The following PI15 variants were observed in gnomAD, a reference collection of about 807,000 sequenced individuals.
The protein encoded by PI15 is peptidase inhibitor 15.
PI15 carries 18 observed loss-of-function variants against 31.0 expected under a neutral mutation model. The observed-to-expected ratio is 0.58, with a 90% confidence interval of 0.40 to 0.86. The LOEUF is 0.86. Ranked by LOEUF, PI15 falls within the 40% of genes least tolerant of loss-of-function variation. The pLI is 0.00. For synonymous variants in PI15, 118 were observed against 119.1 expected (o/e 0.99, Z 0.06); for missense variants, 282 against 328.1 (o/e 0.86, Z 1.09).
chr8:74,824,996 G>A (rs1810670774), intron 1 of PI15: 1 of 492,652 alleles, frequency 2.0e-6, no homozygotes, highest in East Asian at 3.2e-5. Context: ...ATTTTTCTCT[G>A]CTATACAAAG....
chr8:74,837,976 TGAA>T (rs1810893930), intron 2 of PI15, among the ~76,000 whole-genome samples: 1 of 152,156 alleles, frequency 6.6e-6, no homozygotes, highest in African/African-American at 2.4e-5. Flanking sequence ...TTTAACTTTA[TGAA>T]TTTTTGTTCT....
At chr8:74,837,195 A>G (rs747913445) in intron 2 of PI15, among the ~76,000 whole-genome samples, 12 of 152,152 alleles carry the variant, frequency 7.9e-5, no homozygotes, top group Non-Finnish European at 1.2e-4. Flanking sequence ...TATACATAAT[A>G]TAGTGTCATA....
intron 2 of PI15, among the ~76,000 whole-genome samples, chr8:74,843,414 T>C (rs971961864): frequency 1.3e-5 from 2 of 152,222 alleles, no homozygotes; most frequent in African/African-American, 4.8e-5. Flanking sequence ...GTTATAGCAG[T>C]CTCAGGAACC....
chr8:74,825,664 T>A, intron 2 of PI15, 142 bp downstream of exon 2: 1 of 665,396 alleles, frequency 1.5e-6, no homozygotes, highest in South Asian at 2.0e-5. Flanking sequence ...GGTTCTTATG[T>A]GCCTAATAAT....
At chr8:74,847,518 C>T (rs1811043178) in intron 5 of PI15, among the ~76,000 whole-genome samples, 1 of 151,774 alleles carries the variant, frequency 6.6e-6, no homozygotes, top group Non-Finnish European at 1.5e-5. Flanking sequence ...GAGCGAGCCA[C>T]ACTCATAAGA....
At chr8:74,832,356 T>G (rs1810794968) in intron 2 of PI15, among the ~76,000 whole-genome samples, 1 of 152,000 alleles carries the variant, frequency 6.6e-6, no homozygotes, top group Non-Finnish European at 1.5e-5. Context: ...GTAGCTAGTG[T>G]GGGGGAAGGA....
At chr8:74,830,797 G>A (rs1810771097) in intron 2 of PI15, among the ~76,000 whole-genome samples, 1 of 152,060 alleles carries the variant, frequency 6.6e-6, no homozygotes, top group African/African-American at 2.4e-5. Flanking sequence ...ATAAACATGA[G>A]AATTTTAATG....
At chr8:74,847,575 A>G (rs1811044020) in intron 5 of PI15, among the ~76,000 whole-genome samples, 1 of 152,222 alleles carries the variant, frequency 6.6e-6, no homozygotes, top group Non-Finnish European at 1.5e-5. Context: ...TGATGGTATC[A>G]AAATTATGCA....
rs1811119900 is a variant in PI15, at chr8:74,852,345, T to A, written c.*3092T>A. 6.6e-6 allele frequency: 1 copy of A among 152,140 alleles called. No homozygotes were observed. The highest frequency in any genetic ancestry group is 1.5e-5 in the Non-Finnish European group (1 of 67,972). 9.4% of individuals were successfully genotyped at this position (152,140 alleles called of 1,614,324 possible). A position where few individuals can be genotyped will look rare whatever the true frequency, so the allele number is the denominator to read the frequency against. ...ATAATTTTAGAATTAAACTGATGGATTTCATTATAGAATTATCTGTGAGTT... is the reference window on the plus strand; with the variant it reads ...ATAATTTTAGAATTAAACTGATGGAATTCATTATAGAATTATCTGTGAGTT... On this transcript the variant is annotated 3_prime_UTR_variant, in exon 6 of 6. Transcript: ENST00000260113.
intron 5 of PI15, among the ~76,000 whole-genome samples, chr8:74,848,730 TATAG>T (rs1359568256): frequency 9.6e-4 from 135 of 140,402 alleles, no homozygotes; most frequent in African/African-American, 2.5e-3. Flanking sequence ...TATATATATA[TATAG>T]AGAGAGAGAG....
intron 2 of PI15, among the ~76,000 whole-genome samples, chr8:74,829,206 A>G (rs1810743722): frequency 6.6e-6 from 1 of 152,104 alleles, no homozygotes; most frequent in Non-Finnish European, 1.5e-5. Flanking sequence ...TAATTTTGAT[A>G]TTATAAATGT....
chr8:74,834,790 C>G (rs960094656), intron 2 of PI15, among the ~76,000 whole-genome samples: 5 of 152,200 alleles, frequency 3.3e-5, no homozygotes, highest in African/African-American at 1.2e-4. Context: ...CATGAGATGC[C>G]TAGAATTTAT....
At position 74,853,627 on chromosome 8, in the gene PI15, A is replaced by G. The variant is rs1022754483; in HGVS notation, c.*4374A>G. 6 of 152,648 alleles carry G rather than the reference A, an allele frequency of 3.9e-5. No individual in the cohort carries two copies. The highest frequency in any genetic ancestry group is 2.0e-4 in the Admixed American group (3 of 15,270). 9.5% of individuals were successfully genotyped at this position (152,648 alleles called of 1,614,324 possible). On this transcript the variant is annotated 3_prime_UTR_variant, in exon 6 of 6. Coordinates refer to ENST00000260113, the MANE Select transcript of PI15 (RefSeq NM_015886.5). ...TTATGAAGACAAATTCTTAATGGCT[A>G]CTTGACCTACAGCAAAAGCCATTTC... is the stretch of plus-strand genomic sequence containing the variant.
chr8:74,845,051 T>A, intron 3 of PI15, 77 bp from the exon 4 acceptor site: 1 of 1,227,794 alleles, frequency 8.1e-7, no homozygotes, highest in African/African-American at 1.5e-5. Flanking sequence ...AAAAGAACAA[T>A]CAATTTACAG....
chr8:74,851,484 A>T lies in PI15; in HGVS notation c.*2231A>T, dbSNP rs967181209. On this transcript the variant is annotated 3_prime_UTR_variant, in exon 6 of 6. Coordinates refer to ENST00000260113, the MANE Select transcript of PI15 (RefSeq NM_015886.5). ...TTCACAGGGGTTCTTATGAAGGTAAATTTACCAGATTAATAAAAATTTATG... is the reference window on the plus strand; with the variant it reads ...TTCACAGGGGTTCTTATGAAGGTAATTTTACCAGATTAATAAAAATTTATG... 2.0e-5 allele frequency: 3 copies of T among 152,030 alleles called. No homozygotes were observed. The highest frequency in any genetic ancestry group is 4.8e-5 in the African/African-American group (2 of 41,438). 9.4% of individuals were successfully genotyped at this position (152,030 alleles called of 1,614,324 possible). A position where few individuals can be genotyped will look rare whatever the true frequency, so the allele number is the denominator to read the frequency against.
intron 5 of PI15, 34 bp downstream of exon 5, chr8:74,845,531 C>A (rs762981650): frequency 1.5e-5 from 20 of 1,337,314 alleles, no homozygotes; most frequent in South Asian, 2.3e-5. Context: ...TTCCTGGATC[C>A]TTTAAAGACG....
In PI15 at chr8:74,849,152, G is replaced by C; in HGVS notation, c.676G>C (p.Gly226Arg). 6.2e-7 allele frequency: 1 copy of C among 1,612,948 alleles called. No homozygotes were observed. Among genetic ancestry groups the C allele is most frequent in the Non-Finnish European group, 8.5e-7 (1 of 1,179,150 alleles). Residue 226 changes from glycine to arginine, a missense_variant, in exon 6 of 6, where the codon GGG (glycine) becomes CGG (arginine). Transcript: ENST00000260113. The stretch of plus-strand genomic sequence containing the variant: ...GATTGGAGAAGCACCATATAAAGTA[G>C]GGGTACCATGTTCATCTTGTCCTCC... Reference protein sequence around the residue: ...NWIGEAPYKVGVPCSSCPPSY... With the variant: ...NWIGEAPYKVRVPCSSCPPSY...
intron 2 of PI15, chr8:74,826,360 G>A (rs773394221): frequency 3.3e-4 from 265 of 804,944 alleles, no homozygotes; most frequent in Non-Finnish European, 3.5e-4. Context: ...CCAAATTGGG[G>A]TGAGGGGAGG....
At chr8:74,830,390 G>A (rs775981960) in intron 2 of PI15, among the ~76,000 whole-genome samples, 1 of 152,054 alleles carries the variant, frequency 6.6e-6, no homozygotes, top group Non-Finnish European at 1.5e-5. Context: ...TATTTGCAGA[G>A]CTACAGATAT....
Sources: gnomAD v4.1 joint callset for allele counts (sites outside exome capture counted in the v4.1 genomes callset) on GRCh38, gnomAD v4.1.1 for gene constraint, MANE v1.5 for transcripts, NCBI Gene and HGNC (gene_info 2026-07-23, HGNC 2026-07-21) for gene names.